The following DENND10 variants were observed in gnomAD, a reference collection of about 807,000 sequenced individuals.
DENND10 encodes the protein DENN domain containing 10.
A neutral mutation model predicts 43.6 loss-of-function variants in DENND10; 24 were observed. The observed-to-expected ratio is 0.55, with a 90% CI of 0.40 to 0.77. The LOEUF is 0.77. Ranked by LOEUF, DENND10 falls within the 30% of genes least tolerant of loss-of-function variation. The pLI is 0.00. For synonymous variants in DENND10, 125 were observed against 157.6 expected (o/e 0.79, Z 1.55); for missense variants, 303 against 429.9 (o/e 0.70, Z 2.61).
chr10:119,111,294 A>G (rs1381778532), intron 2 of DENND10, among the ~76,000 whole-genome samples: 1 of 151,034 alleles, frequency 6.6e-6, no homozygotes, highest in Non-Finnish European at 1.5e-5. Context: ...CTGGAAAAAT[A>G]TATACATCTA....
At chr10:119,129,774 A>T (rs552027528) in intron 7 of DENND10, 152 bp downstream of exon 7, 23 of 627,298 alleles carry the variant, frequency 3.7e-5, no homozygotes, top group Non-Finnish European at 6.1e-5. Context: ...TTATTCCTAT[A>T]AACATAGACA....
At position 119,132,145 on chromosome 10, in the gene DENND10, T is replaced by C. The variant is rs946827969; in HGVS notation, c.803-370T>C. 3.9e-5 allele frequency among the ~76,000 whole-genome samples: 6 copies of C among 152,194 alleles called. No homozygotes were observed. Among genetic ancestry groups the C allele is most frequent in the African/African-American group, 1.4e-4 (6 of 41,446 alleles). Reference sequence around the variant, plus strand: ...ACAATATTCCCGCCAAAAAGATACATTTCTTAACTGTAAAGAGCTGGACTA... The same window carrying C: ...ACAATATTCCCGCCAAAAAGATACACTTCTTAACTGTAAAGAGCTGGACTA... On this transcript the variant is annotated intron_variant, in intron 7 of 8. Transcript: ENST00000361432. The surrounding 1 kb of genome is among the most constrained non-coding windows in gnomAD (Gnocchi z 4.2).
At chr10:119,133,530 T>C (rs928432482) in intron 8 of DENND10, 3 of 152,272 alleles carry the variant, frequency 2.0e-5, no homozygotes, top group Admixed American at 6.5e-5. Context: ...TCATGGAGTC[T>C]GTAATTTAGT....
Position 119,132,865 on chromosome 10 carries a change from T to C in DENND10, c.897+256T>C. On this transcript the variant is annotated intron_variant, in intron 8 of 8. Coordinates refer to ENST00000361432, the MANE Select transcript of DENND10 (RefSeq NM_207009.4). The surrounding 1 kb of genome is among the most constrained non-coding windows in gnomAD (Gnocchi z 4.2). ...CACCGACCGCTGGCAATGAGAAATGTAACTACCAAGTGGTCTGGAAGGCTT... is the reference window on the plus strand; with the variant it reads ...CACCGACCGCTGGCAATGAGAAATGCAACTACCAAGTGGTCTGGAAGGCTT... The C allele has an allele frequency of 2.2e-6, 1 of 454,820 alleles. No homozygotes were observed. The highest frequency in any genetic ancestry group is 3.9e-6 in the Non-Finnish European group (1 of 255,622). The allele number at this position is 454,820 out of a possible 1,614,324, so 28.2% of individuals were successfully genotyped here. A position where few individuals can be genotyped will look rare whatever the true frequency, so the allele number is the denominator to read the frequency against.
intron 6 of DENND10, among the ~76,000 whole-genome samples, chr10:119,124,309 T>C (rs1845723882): frequency 6.7e-6 from 1 of 148,398 alleles, no homozygotes; most frequent in African/African-American, 2.5e-5. Context: ...GTGGATTGCC[T>C]GAGCTCAGGA....
At chr10:119,109,881 T>A (rs771258046) in intron 2 of DENND10, among the ~76,000 whole-genome samples, 2 of 151,884 alleles carry the variant, frequency 1.3e-5, no homozygotes, top group Non-Finnish European at 2.9e-5. Context: ...GGTGCAATCA[T>A]GTCTTACTGC....
At chr10:119,121,149 T>G (rs17098460) in intron 5 of DENND10, among the ~76,000 whole-genome samples, 8,517 of 151,722 alleles carry the variant, frequency 0.056, 617 homozygotes, top group African/African-American at 0.17. Flanking sequence ...GTTAATAATT[T>G]TTTTGCCAGG....
chr10:119,119,280 AG>A (rs1394411287), intron 4 of DENND10, among the ~76,000 whole-genome samples: 1 of 152,030 alleles, frequency 6.6e-6, no homozygotes, highest in Non-Finnish European at 1.5e-5. Context: ...CTAGGATTCC[AG>A]GCATGAGCTT....
At chr10:119,104,815 GA>G (rs1844610613) in intron 1 of DENND10, 1 of 152,460 alleles carries the variant, frequency 6.6e-6, no homozygotes, top group Non-Finnish European at 1.5e-5. Context: ...CCACTTCACG[GA>G]GGAGCAAATG....
intron 3 of DENND10, among the ~76,000 whole-genome samples, chr10:119,116,088 T>G (rs1845259004): frequency 6.6e-6 from 1 of 152,086 alleles, no homozygotes; most frequent in Non-Finnish European, 1.5e-5. Flanking sequence ...CTTAAATATG[T>G]TTTATTTTCT....
At chr10:119,130,738 T>C (rs895282671) in intron 7 of DENND10, among the ~76,000 whole-genome samples, 8 of 152,222 alleles carry the variant, frequency 5.3e-5, no homozygotes, top group Non-Finnish European at 1.0e-4. Flanking sequence ...CCGCTTTCAA[T>C]GTGCATGGCT....
Position 119,106,715 on chromosome 10 carries a change from G to A in DENND10, c.56-1253G>A, listed in dbSNP as rs779664001. Among the ~76,000 whole-genome samples the A allele has an allele frequency of 2.6e-5, 4 of 152,044 alleles. No individual in the cohort carries two copies. In the South Asian group the frequency reaches 6.2e-4, roughly 24 times the overall value. On this transcript the variant is annotated intron_variant, in intron 1 of 8. Coordinates refer to ENST00000361432, the MANE Select transcript of DENND10 (RefSeq NM_207009.4). ...ATATTTCACTATTTTCTTCATCTCT[G>A]GTTTTGTTTTCGACAAACCTTTTCT...
At chr10:119,125,940 T>C (rs1845809487) in intron 6 of DENND10, among the ~76,000 whole-genome samples, 1 of 152,108 alleles carries the variant, frequency 6.6e-6, no homozygotes, top group Non-Finnish European at 1.5e-5. Flanking sequence ...ATCCCAAATT[T>C]TCCCCCTCTC....
In DENND10 at chr10:119,137,338, CCT is replaced by C. The variant is rs990612460; in HGVS notation, c.*692_*693del. The C allele has an allele frequency of 6.2e-6, 1 of 161,378 alleles. No homozygotes were observed. The highest frequency in any genetic ancestry group is 2.5e-5 in the African/African-American group (1 of 39,428). The allele number at this position is 161,378 out of a possible 1,614,324, so 10.0% of individuals were successfully genotyped here. On this transcript the variant is annotated 3_prime_UTR_variant, in exon 9 of 9. Coordinates refer to ENST00000361432, the MANE Select transcript of DENND10 (RefSeq NM_207009.4). ...GTTCAGCCATTAGCACTCATTTAAC[CCT>C]GTTAGCAATATTCTTTTGAAAAAAG...
In DENND10 at chr10:119,136,876, T is replaced by C. The variant is rs1385985616; in HGVS notation, c.*229T>C. 1 of 416,630 alleles carries C rather than the reference T, an allele frequency of 2.4e-6. No individual in the cohort carries two copies. The highest frequency in any genetic ancestry group is 4.5e-5 in the East Asian group (1 of 21,984). The allele number at this position is 416,630 out of a possible 1,614,324, so 25.8% of individuals were successfully genotyped here. On this transcript the variant is annotated 3_prime_UTR_variant, in exon 9 of 9. Coordinates refer to ENST00000361432, the MANE Select transcript of DENND10 (RefSeq NM_207009.4). ...CTGCTGTCAGTGCTGGACGAAGTGC[T>C]ATAACTACTTTATGTAACATTACAG...
chr10:119,120,966 T>C (rs979650162), intron 5 of DENND10, among the ~76,000 whole-genome samples: 2 of 152,178 alleles, frequency 1.3e-5, no homozygotes, highest in Non-Finnish European at 2.9e-5. Flanking sequence ...ATAGTACATA[T>C]AGATTTTTTA....
chr10:119,111,504 T>C lies in DENND10; in HGVS notation c.253-345T>C, dbSNP rs188431567. ...AGTGTGGAGGAGAAAAGATAAGCAG[T>C]TGCTAAATTGGTGAGTCTGATTTAG... is the stretch of plus-strand genomic sequence containing the variant. On this transcript the variant is annotated intron_variant, in intron 2 of 8. Transcript: ENST00000361432. Among the ~76,000 whole-genome samples the C allele has an allele frequency of 1.9e-3, 291 of 152,062 alleles. 2 individuals carry two copies. The highest frequency in any genetic ancestry group is 6.2e-3 in the African/African-American group (258 of 41,510).
chr10:119,115,168 C>T (rs554948313), intron 3 of DENND10, among the ~76,000 whole-genome samples: 14 of 152,000 alleles, frequency 9.2e-5, no homozygotes, highest in African/African-American at 3.1e-4. Context: ...ACTGAGCTGC[C>T]GCCTCCTCCT....
chr10:119,129,602 C>A lies in DENND10; in HGVS notation c.782C>A (p.Thr261Asn). 6.2e-7 allele frequency: 1 copy of A among 1,608,966 alleles called. No homozygotes were observed. The highest frequency in any genetic ancestry group is 1.1e-5 in the South Asian group (1 of 90,978). Residue 261 changes from threonine (T) to asparagine (N), a missense_variant, in exon 7 of 9, where the codon ACC (threonine) becomes AAC (asparagine). Thr to Asn is a moderately conservative substitution (Grantham distance 65, BLOSUM62 0). Transcript: ENST00000361432. ...VFVNLAESEI[T>N]IAPLAKEAMA... ...GTGAATCTGGCAGAGAGTGAGATTA[C>A]CATTGCTCCCCTTGCAAAAGGTTTG... is the stretch of plus-strand genomic sequence containing the variant.
Sources: gnomAD v4.1 joint callset for allele counts (sites outside exome capture counted in the v4.1 genomes callset) on GRCh38, gnomAD v4.1.1 for gene constraint, Gnocchi (gnomAD v3.1) non-coding constraint, MANE v1.5 for transcripts, NCBI Gene and HGNC (gene_info 2026-07-23, HGNC 2026-07-21) for gene names.